The following ADAMTSL2 variants were observed in gnomAD, a reference collection of about 807,000 sequenced individuals.
ADAMTSL2 encodes ADAMTS-like protein 2.
In ADAMTSL2, 55 loss-of-function variants were observed where a neutral mutation model predicts 117.0. That is an observed-to-expected ratio of 0.47 (90% CI 0.38 to 0.59). The LOEUF is 0.59. Among genes scored for constraint, ADAMTSL2 ranks in the 20% least tolerant of loss-of-function variants. ADAMTSL2 has a pLI of 0.00. For synonymous variants in ADAMTSL2, 572 were observed against 566.4 expected, an observed-to-expected ratio of 1.01 and a Z score of -0.14; for missense variants, 1,182 against 1,354.5, an observed-to-expected ratio of 0.87 and a Z score of 2.00.
Position 133,538,518 on chromosome 9 carries a change from G to A in ADAMTSL2, c.309+94G>A, listed in dbSNP as rs1564492440. On this transcript the variant is annotated intron_variant, in intron 4 of 18. Coordinates refer to ENST00000651351, the MANE Select transcript of ADAMTSL2 (RefSeq NM_014694.4). ...TTCCAGGTGGCTCCTGGGCATTCTG[G>A]GCATTCTGTTGTGGGCTGCTCTTCA... The A allele has an allele frequency of 4.9e-6, 7 of 1,437,310 alleles. No individual in the cohort carries two copies. The East Asian group carries it at 1.1e-4, about 24-fold the overall frequency. The allele number at this position is 1,437,310 out of a possible 1,614,324, so 89.0% of individuals were successfully genotyped here.
chr9:133,574,028 AG>A, intron 18 of ADAMTSL2, 41 bp downstream of exon 18: 2 of 1,584,834 alleles, frequency 1.3e-6, no homozygotes, highest in Admixed American at 3.6e-5. Context: ...GGGAATTCCC[AG>A]GGGAGGCGAG....
At chr9:133,571,603 C>T (rs1180477369) in intron 17 of ADAMTSL2, among the ~76,000 whole-genome samples, 2 of 152,314 alleles carry the variant, frequency 1.3e-5, no homozygotes, top group South Asian at 4.1e-4. Context: ...GCCTTCTGGG[C>T]CCCACGGAGG....
Position 133,555,672 on chromosome 9 carries a change from G to A in ADAMTSL2, c.1391G>A (p.Gly464Asp). 1 of 1,613,838 alleles carries A rather than the reference G, an allele frequency of 6.2e-7. No homozygotes were observed. ...AACGCCATCTCTGACCAGCTGCTGG[G>A]CGCAGGCTCTGACTTGAAGGACTTC... is the stretch of plus-strand genomic sequence containing the variant. ...SANAISDQLL[G>D]AGSDLKDFTL... Residue 464 changes from glycine to aspartate, a missense_variant, in exon 11 of 19, where the codon GGC becomes GAC. Around this residue, in one of 3 missense-constraint regions of ADAMTSL2, gnomAD observed 345 missense variants for 325.8 expected, o/e 1.06. Transcript: ENST00000651351.
Position 133,554,794 on chromosome 9 carries a change from A to G in ADAMTSL2, c.1276+101A>G, listed in dbSNP as rs1588293684. On this transcript the variant is annotated intron_variant, in intron 10 of 18. Coordinates refer to ENST00000651351, the MANE Select transcript of ADAMTSL2 (RefSeq NM_014694.4). This position sits in a 1 kb window ranked among gnomAD's most constrained non-coding sequence, Gnocchi z 5.2. ...CAGACCCTTTGCAGACCTGCAGAGG[A>G]GGTTCCTAAGAGCTGCCAGCTACCT... The G allele has an allele frequency of 6.3e-6, 7 of 1,113,166 alleles. No individual in the cohort carries two copies. The highest frequency in any genetic ancestry group is 8.7e-6 in the Non-Finnish European group (7 of 802,722). 69.0% of individuals were successfully genotyped at this position (1,113,166 alleles called of 1,614,324 possible). A position where few individuals can be genotyped will look rare whatever the true frequency, so the allele number is the denominator to read the frequency against.
chr9:133,538,327 C>G, intron 3 of ADAMTSL2, 22 bp from the exon 4 acceptor site: 1 of 1,613,108 alleles, frequency 6.2e-7, no homozygotes, highest in Non-Finnish European at 8.5e-7. Flanking sequence ...GCCCTCACTC[C>G]GAGCCTGCAT....
At chr9:133,538,719 G>C (rs938480626) in intron 4 of ADAMTSL2, among the ~76,000 whole-genome samples, 1 of 152,132 alleles carries the variant, frequency 6.6e-6, no homozygotes, top group Non-Finnish European at 1.5e-5. Context: ...GTCTCTGGTC[G>C]CAGCTCCACT....
At chr9:133,561,699 C>T (rs962702071) in intron 12 of ADAMTSL2, among the ~76,000 whole-genome samples, 63 of 152,214 alleles carry the variant, frequency 4.1e-4, no homozygotes, top group African/African-American at 1.5e-3. Context: ...TGATCTGTGA[C>T]GAAGGGAAGT....
chr9:133,533,394 G>T (rs1001554821), upstream of ADAMTSL2, among the ~76,000 whole-genome samples: 1 of 152,186 alleles, frequency 6.6e-6, no homozygotes, highest in Non-Finnish European at 1.5e-5. Context: ...GTCCCGGGGA[G>T]AGAAACTTAA....
intron 9 of ADAMTSL2, among the ~76,000 whole-genome samples, chr9:133,548,025 C>T (rs1008907467): frequency 4.6e-5 from 7 of 152,266 alleles, no homozygotes; most frequent in Non-Finnish European, 7.3e-5. Flanking sequence ...TTGTGGTGCC[C>T]GTCAAGGCCT....
At chr9:133,561,060 G>T in intron 11 of ADAMTSL2, 138 bp from the exon 12 acceptor site, 2 of 753,598 alleles carry the variant, frequency 2.7e-6, no homozygotes, top group South Asian at 1.5e-5. Flanking sequence ...GCAGGTGGAG[G>T]GTCGGCCCGG....
Position 133,575,062 on chromosome 9 carries a change from G to T in ADAMTSL2, c.*198G>T. The T allele has an allele frequency of 5.0e-6, 3 of 599,074 alleles. No individual in the cohort carries two copies. Among genetic ancestry groups the T allele is most frequent in the Non-Finnish European group, 6.0e-6 (2 of 335,234 alleles). 37.1% of individuals were successfully genotyped at this position (599,074 alleles called of 1,614,324 possible). ...CCTGGGGCAGAGCCTCCGGCACCCAGTGGCCTCCCCCAGACAGAGCCACCC... is the reference window on the plus strand; with the variant it reads ...CCTGGGGCAGAGCCTCCGGCACCCATTGGCCTCCCCCAGACAGAGCCACCC... On this transcript the variant is annotated 3_prime_UTR_variant, in exon 19 of 19. Coordinates refer to ENST00000651351, the MANE Select transcript of ADAMTSL2 (RefSeq NM_014694.4).
At chr9:133,569,284 T>G in intron 15 of ADAMTSL2, 124 bp from the exon 16 acceptor site, 1 of 914,216 alleles carries the variant, frequency 1.1e-6, no homozygotes. Context: ...TAAAAAGTGG[T>G]TACCATGGCA....
intron 6 of ADAMTSL2, 67 bp downstream of exon 6, chr9:133,540,810 G>T: frequency 6.2e-7 from 1 of 1,613,338 alleles, no homozygotes. Flanking sequence ...GCCTGTGGGA[G>T]GCAGTGGCGG....
In ADAMTSL2 at chr9:133,554,762, G is replaced by C. The variant is rs1830567902; in HGVS notation, c.1276+69G>C. 1 of 1,355,688 alleles carries C rather than the reference G, an allele frequency of 7.4e-7. No homozygotes were observed. The highest frequency in any genetic ancestry group is 9.8e-7 in the Non-Finnish European group (1 of 1,017,642). The allele number at this position is 1,355,688 out of a possible 1,614,324, so 84.0% of individuals were successfully genotyped here. A position where few individuals can be genotyped will look rare whatever the true frequency, so the allele number is the denominator to read the frequency against. ...GCCCAGGGAAGGGGGCCTTGGGGAA[G>C]GGGTCTCAGACCCTTTGCAGACCTG... On this transcript the variant is annotated intron_variant, in intron 10 of 18. Coordinates refer to ENST00000651351, the MANE Select transcript of ADAMTSL2 (RefSeq NM_014694.4). The surrounding 1 kb of genome is among the most constrained non-coding windows in gnomAD (Gnocchi z 5.2).
chr9:133,534,841 C>T lies in ADAMTSL2; in HGVS notation c.-227C>T. 2 of 1,500,048 alleles carry T rather than the reference C, an allele frequency of 1.3e-6. No homozygotes were observed. The highest frequency in any genetic ancestry group is 2.2e-5 in the Admixed American group (1 of 45,516). 92.9% of individuals were successfully genotyped at this position (1,500,048 alleles called of 1,614,324 possible). A position where few individuals can be genotyped will look rare whatever the true frequency, so the allele number is the denominator to read the frequency against. On this transcript the variant is annotated 5_prime_UTR_variant, in exon 1 of 19. Coordinates refer to ENST00000651351, the MANE Select transcript of ADAMTSL2 (RefSeq NM_014694.4). ...TGCACTCACGCCGCCCCCGCACGCA[C>T]AGCGCACCTGGCGCCGTCTGCCCTC...
chr9:133,560,798 G>A (rs954009754), intron 11 of ADAMTSL2, among the ~76,000 whole-genome samples: 7 of 152,334 alleles, frequency 4.6e-5, no homozygotes, highest in Non-Finnish European at 1.0e-4. Context: ...GACACCTTCT[G>A]AGGTCCCCTC....
chr9:133,546,917 C>T (rs1217369012), intron 8 of ADAMTSL2, 121 bp from the exon 9 acceptor site: 7 of 1,028,832 alleles, frequency 6.8e-6, no homozygotes, highest in South Asian at 5.1e-5. Context: ...AGTTTCCTGT[C>T]TCGGGAGCAT....
intron 18 of ADAMTSL2, among the ~76,000 whole-genome samples, chr9:133,574,477 A>C (rs1159060886): frequency 1.3e-5 from 2 of 152,096 alleles, no homozygotes; most frequent in Non-Finnish European, 2.9e-5. Context: ...ACCCTTGGGG[A>C]TGCTTAGGCC....
At position 133,554,136 on chromosome 9, in the gene ADAMTSL2, C is replaced by G. The variant is rs1830549292; in HGVS notation, c.940-221C>G. ...TACCCAGGGTGGGCCACTCCCCCCA[C>G]CACACATCCCCAGCCCCCGCCCTGT... On this transcript the variant is annotated intron_variant, in intron 9 of 18. Coordinates refer to ENST00000651351, the MANE Select transcript of ADAMTSL2 (RefSeq NM_014694.4). This position sits in a 1 kb window ranked among gnomAD's most constrained non-coding sequence, Gnocchi z 5.2. 6.6e-6 allele frequency among the ~76,000 whole-genome samples: 1 copy of G among 152,220 alleles called. No individual in the cohort carries two copies. The highest frequency in any genetic ancestry group is 2.1e-4 in the South Asian group (1 of 4,836).
Sources: gnomAD v4.1 joint callset for allele counts (sites outside exome capture counted in the v4.1 genomes callset) on GRCh38, gnomAD v4.1.1 for gene constraint, gnomAD v4.1.1 regional missense constraint, Gnocchi (gnomAD v3.1) non-coding constraint, MANE v1.5 for transcripts, NCBI Gene and HGNC (gene_info 2026-07-23, HGNC 2026-07-21) for gene names.